VTI1A: variants seen among roughly 807,000 people sequenced by gnomAD.
VTI1A encodes the protein vesicle transport through interaction with t-SNAREs homolog 1A.
Under a neutral mutation model 34.9 loss-of-function variants are expected in VTI1A, and 22 were observed. The observed-to-expected ratio is 0.63, with a 90% CI of 0.45 to 0.90. VTI1A has a LOEUF of 0.90. Ranked by LOEUF, VTI1A falls within the 40% of genes least tolerant of loss-of-function variation. VTI1A has a pLI of 0.00. For missense variants in VTI1A, 268 were observed against 275.6 expected (o/e 0.97, Z 0.20); for synonymous variants, 87 against 97.3 (o/e 0.89, Z 0.62).
intron 7 of VTI1A, among the ~76,000 whole-genome samples, chr10:112,712,105 A>C (rs1244400752): frequency 1.3e-5 from 2 of 152,116 alleles, no homozygotes; most frequent in African/African-American, 4.8e-5. Context: ...TCTCGTTCCC[A>C]GTCTGCTTTT....
chr10:112,773,978 G>A (rs957137053), intron 7 of VTI1A, among the ~76,000 whole-genome samples: 6 of 152,166 alleles, frequency 3.9e-5, no homozygotes, highest in Non-Finnish European at 7.3e-5. Context: ...GGGCCCTTAG[G>A]AGTCTTCTAT....
chr10:112,687,023 A>G (rs1346295657), intron 7 of VTI1A, among the ~76,000 whole-genome samples: 1 of 151,980 alleles, frequency 6.6e-6, no homozygotes, highest in Non-Finnish European at 1.5e-5. Context: ...GCACCGCTGT[A>G]ACCTGTTCCC....
chr10:112,630,716 G>A (rs187342376), intron 5 of VTI1A, among the ~76,000 whole-genome samples: 5 of 152,244 alleles, frequency 3.3e-5, no homozygotes, highest in Admixed American at 2.6e-4. Context: ...ATTCAACATC[G>A]CTGAAATGTC....
At chr10:112,520,173 G>T (rs1268729002) in intron 3 of VTI1A, among the ~76,000 whole-genome samples, 2 of 151,992 alleles carry the variant, frequency 1.3e-5, no homozygotes, top group African/African-American at 4.8e-5. Flanking sequence ...GACTTTAAAG[G>T]ATGAGATTTC....
intron 7 of VTI1A, among the ~76,000 whole-genome samples, chr10:112,761,264 C>T (rs528511151): frequency 6.1e-4 from 93 of 152,294 alleles, no homozygotes; most frequent in Non-Finnish European, 1.1e-3. Context: ...TGGGGCTTAT[C>T]TCTTGGTATA....
At chr10:112,600,830 A>G (rs1048837366) in intron 5 of VTI1A, among the ~76,000 whole-genome samples, 2 of 152,274 alleles carry the variant, frequency 1.3e-5, no homozygotes, top group Non-Finnish European at 2.9e-5. Context: ...TAAGACAGTT[A>G]GTTGCAGACA....
At chr10:112,840,192 T>C in the VTI1A span, among the ~76,000 whole-genome samples, 1 of 152,050 alleles carries the variant, frequency 6.6e-6, no homozygotes, top group African/African-American at 2.4e-5. Flanking sequence ...AACTAAACAA[T>C]AACCCCTGCC....
At chr10:112,564,455 A>AC (rs972864667) in intron 5 of VTI1A, among the ~76,000 whole-genome samples, 1 of 152,056 alleles carries the variant, frequency 6.6e-6, no homozygotes, top group African/African-American at 2.4e-5. Context: ...AAAAAAAAAA[A>AC]AACACTCATA....
intron 3 of VTI1A, among the ~76,000 whole-genome samples, chr10:112,503,354 A>G (rs1473783345): frequency 6.6e-6 from 1 of 152,188 alleles, no homozygotes; most frequent in Non-Finnish European, 1.5e-5. Context: ...ATGAATGAGA[A>G]CATGTGATAT....
chr10:112,652,378 AC>A (rs903712711), intron 5 of VTI1A, among the ~76,000 whole-genome samples: 2 of 152,170 alleles, frequency 1.3e-5, no homozygotes, highest in African/African-American at 4.8e-5. Flanking sequence ...CTCACAAAAA[AC>A]AAAATGCACA....
intron 7 of VTI1A, among the ~76,000 whole-genome samples, chr10:112,787,690 T>C (rs1435506658): frequency 8.6e-6 from 1 of 116,624 alleles, no homozygotes; most frequent in Non-Finnish European, 1.9e-5. Flanking sequence ...TTTTTTCTTT[T>C]TTCTTTTCTT....
intron 5 of VTI1A, among the ~76,000 whole-genome samples, chr10:112,666,686 G>A (rs1366471830): frequency 1.3e-5 from 2 of 152,056 alleles, no homozygotes; most frequent in African/African-American, 4.8e-5. Flanking sequence ...CATCAACTTG[G>A]TGAGAAAGGC....
chr10:112,539,287 A>G (rs1850771203), intron 5 of VTI1A, among the ~76,000 whole-genome samples: 1 of 152,214 alleles, frequency 6.6e-6, no homozygotes, highest in African/African-American at 2.4e-5. Context: ...GTATGATGAA[A>G]ATGATTCCAA....
intron 7 of VTI1A, among the ~76,000 whole-genome samples, chr10:112,750,144 C>G (rs898373923): frequency 6.6e-5 from 10 of 151,564 alleles, no homozygotes; most frequent in African/African-American, 2.4e-4. Flanking sequence ...CAATTATTGT[C>G]TTTGGGGAGA....
chr10:112,775,151 G>A (rs781447754), intron 7 of VTI1A, among the ~76,000 whole-genome samples: 2 of 152,088 alleles, frequency 1.3e-5, no homozygotes, highest in Admixed American at 6.6e-5. Context: ...AAACTGAAAC[G>A]GCTTAGCATT....
At chr10:112,758,028 C>CATGT (rs1851346134) in intron 7 of VTI1A, among the ~76,000 whole-genome samples, 1 of 152,112 alleles carries the variant, frequency 6.6e-6, no homozygotes, top group East Asian at 1.9e-4. Context: ...AGCATCTTTG[C>CATGT]ATGTAAGTAT....
chr10:112,776,158 C>A (rs1851950341), intron 7 of VTI1A, among the ~76,000 whole-genome samples: 1 of 152,216 alleles, frequency 6.6e-6, no homozygotes, highest in Non-Finnish European at 1.5e-5. Context: ...AGCCTGCATT[C>A]ACTCGAGGAG....
chr10:112,592,290 A>G (rs1337589416), intron 5 of VTI1A, among the ~76,000 whole-genome samples: 1 of 152,152 alleles, frequency 6.6e-6, no homozygotes, highest in Non-Finnish European at 1.5e-5. Context: ...GAGATCATAA[A>G]TATGTACTGT....
chr10:112,778,402 A>C (rs1852015296), intron 7 of VTI1A, among the ~76,000 whole-genome samples: 1 of 152,230 alleles, frequency 6.6e-6, no homozygotes, highest in Non-Finnish European at 1.5e-5. Context: ...GGCCATTGTG[A>C]ATTATGCCTC....
Sources: allele counts gnomAD v4.1 joint callset (sites outside exome capture counted in the v4.1 genomes callset), GRCh38; gene constraint gnomAD v4.1.1; transcripts MANE v1.5; gene names NCBI Gene and HGNC (gene_info 2026-07-23, HGNC 2026-07-21).